MAP1S: variants seen among roughly 807,000 people sequenced by gnomAD.
MAP1S encodes the protein microtubule-associated protein 1S.
A neutral mutation model predicts 60.9 loss-of-function variants in MAP1S; 27 were observed. The observed-to-expected ratio is 0.44, with a 90% CI of 0.33 to 0.61. The LOEUF (loss-of-function observed/expected upper bound fraction) is 0.61, where lower values mean the gene tolerates loss of function less well. Ranked by LOEUF, MAP1S falls within the 20% of genes least tolerant of loss-of-function variation. The pLI is 0.03. For synonymous variants in MAP1S, 826 were observed against 694.2 expected, an observed-to-expected ratio of 1.19 and a Z score of -2.98; for missense variants, 1,608 against 1,486.6, an observed-to-expected ratio of 1.08 and a Z score of -1.34.
intron 1 of MAP1S, chr19:17,720,043 G>T: frequency 1.1e-6 from 1 of 896,670 alleles, no homozygotes; most frequent in Non-Finnish European, 1.4e-6. Context: ...AAGCAGATAT[G>T]GGGGAGGCTG....
chr19:17,725,913 C>G lies in MAP1S; in HGVS notation c.529C>G (p.Gln177Glu). Reference protein sequence around the residue: ...ITCPTFGDWAQLAPAVPGLQG... With the variant: ...ITCPTFGDWAELAPAVPGLQG... Reference sequence around the variant, plus strand: ...CTGCCCCACCTTCGGTGACTGGGCTCAGCTGGCACCCGCTGTGCCTGGCCT... The same window carrying G: ...CTGCCCCACCTTCGGTGACTGGGCTGAGCTGGCACCCGCTGTGCCTGGCCT... Residue 177 changes from glutamine to glutamate, a missense_variant, in exon 5 of 7, where the codon CAG becomes GAG. This residue lies in a region of MAP1S where 320 missense variants were observed against 393.1 expected (regional missense o/e 0.81). Transcript: ENST00000324096. The surrounding 1 kb of genome is among the most constrained non-coding windows in gnomAD (Gnocchi z 4.2). The G allele has an allele frequency of 1.2e-6, 2 of 1,613,854 alleles. No homozygotes were observed. Among genetic ancestry groups the G allele is most frequent in the Non-Finnish European group, 1.7e-6 (2 of 1,179,996 alleles).
chr19:17,726,046 CG>C lies in MAP1S; in HGVS notation c.663del (p.Ser222ProfsTer69). On this transcript the variant is annotated frameshift_variant, in exon 5 of 7. Coordinates refer to ENST00000324096, the MANE Select transcript of MAP1S (RefSeq NM_018174.6). LOFTEE classifies it high-confidence loss of function. ...TACGTGGCTGAGTCTCTGGAGCCAC[CG>C]TCCCCCTTCGAGCTGCTGGAGCCCC... is the stretch of plus-strand genomic sequence containing the variant. ...LEYVAESLEP[P>X]SPFELLEPPT... The C allele has an allele frequency of 6.2e-7, 1 of 1,613,270 alleles. No homozygotes were observed.
At chr19:17,731,161 C>T (rs576260252) in intron 5 of MAP1S, among the ~76,000 whole-genome samples, 3 of 152,248 alleles carry the variant, frequency 2.0e-5, no homozygotes, top group African/African-American at 7.2e-5. Context: ...TCCCAGAGTA[C>T]TAAGATTATA....
Position 17,726,377 on chromosome 19 carries a change from C to T in MAP1S, c.993C>T (p.Ser331=). ...SWDDRLRRLI[S]PNLGVVFFNA... ...ACGACAGGCTGCGCAGGCTCATCTCCCCCAACCTGGGGGTCGTGTTCTTCA... is the reference window on the plus strand; with the variant it reads ...ACGACAGGCTGCGCAGGCTCATCTCTCCCAACCTGGGGGTCGTGTTCTTCA... The change falls in exon 5 of 7, where the codon TCC becomes TCT. Residue 331 remains serine, a synonymous_variant. Transcript: ENST00000324096. 6.3e-7 allele frequency: 1 copy of T among 1,596,036 alleles called. No individual in the cohort carries two copies. The highest frequency in any genetic ancestry group is 8.5e-7 in the Non-Finnish European group (1 of 1,177,548).
chr19:17,727,762 C>A lies in MAP1S; in HGVS notation c.2378C>A (p.Thr793Asn). The change falls in exon 5 of 7, where the codon ACC (threonine) becomes AAC (asparagine). Residue 793 changes from threonine (T) to asparagine (N), a missense_variant. By Grantham distance (65) the Thr-to-Asn change is moderately conservative (BLOSUM62 0). This residue lies in a region of MAP1S where 1,167 missense variants were observed against 961.4 expected (regional missense o/e 1.21). Transcript: ENST00000324096. This position sits in a 1 kb window ranked among gnomAD's most constrained non-coding sequence, Gnocchi z 4.1. Reference sequence around the variant, plus strand: ...ACATCGGTCAGCGAGTCCCTGCCCACCCTGTCTGACTCGGATCCCGTGCCC... The same window carrying A: ...ACATCGGTCAGCGAGTCCCTGCCCAACCTGTCTGACTCGGATCCCGTGCCC... The part of the protein sequence containing the change: ...PPTSVSESLP[T>N]LSDSDPVPLA... 6.2e-7 allele frequency: 1 copy of A among 1,609,534 alleles called. No homozygotes were observed. Among genetic ancestry groups the A allele is most frequent in the Non-Finnish European group, 8.5e-7 (1 of 1,177,924 alleles).
Position 17,726,194 on chromosome 19 carries a change from C to A in MAP1S, c.810C>A (p.Asn270Lys). The A allele has an allele frequency of 1.2e-6, 2 of 1,612,262 alleles. No homozygotes were observed. Among genetic ancestry groups the A allele is most frequent in the Non-Finnish European group, 1.7e-6 (2 of 1,179,350 alleles). ...CTGTGCTGGTCAACGGTGGCTCAAACCCCAAGTCCAGTTTCTGGAAGCTGG... is the reference window on the plus strand; with the variant it reads ...CTGTGCTGGTCAACGGTGGCTCAAAACCCAAGTCCAGTTTCTGGAAGCTGG... The part of the protein sequence containing the change: ...GFTVLVNGGS[N>K]PKSSFWKLVR... The change falls in exon 5 of 7, where the codon AAC (asparagine) becomes AAA (lysine). Residue 270 changes from asparagine (N) to lysine (K), a missense_variant. By Grantham distance (94) the Asn-to-Lys change is moderately conservative. This residue lies in a region of MAP1S where 320 missense variants were observed against 393.1 expected (regional missense o/e 0.81). Transcript: ENST00000324096.
chr19:17,726,577 T>G lies in MAP1S; in HGVS notation c.1193T>G (p.Leu398Arg). The G allele has an allele frequency of 6.3e-7, 1 of 1,575,212 alleles. No individual in the cohort carries two copies. Among genetic ancestry groups the G allele is most frequent in the Non-Finnish European group, 8.6e-7 (1 of 1,165,926 alleles). ...MGVGRLDMYVLHPPSAGAERT... is the reference protein window; with the variant it reads ...MGVGRLDMYVRHPPSAGAERT... ...GTGGGCCGGCTGGACATGTATGTGC[T>G]GCACCCGCCCTCCGCCGGCGCCGAG... Residue 398 changes from leucine (L) to arginine (R), a missense_variant, in exon 5 of 7, where the codon CTG (leucine) becomes CGG (arginine). Physicochemically the swap from Leu to Arg is moderately radical, Grantham distance 102. Around this residue, in one of 4 missense-constraint regions of MAP1S, gnomAD observed 1,167 missense variants for 961.4 expected, o/e 1.21. Transcript: ENST00000324096.
At chr19:17,729,391 C>T (rs1174530225) in intron 5 of MAP1S, among the ~76,000 whole-genome samples, 1 of 152,214 alleles carries the variant, frequency 6.6e-6, no homozygotes, top group African/African-American at 2.4e-5. Flanking sequence ...GGGAGCCCCT[C>T]TCAGACAGGG....
chr19:17,734,409 C>T lies in MAP1S; in HGVS notation c.3161C>T (p.Ala1054Val). 1 of 1,612,600 alleles carries T rather than the reference C, an allele frequency of 6.2e-7. No homozygotes were observed. Among genetic ancestry groups the T allele is most frequent in the South Asian group, 1.1e-5 (1 of 91,050 alleles). ...TCCATGCAGGATGACGCCTTCCCGG[C>T]CTGCAAGGTGGAGTTCTAGCCCCAT... is the stretch of plus-strand genomic sequence containing the variant. ...MVSMQDDAFP[A>V]CKVEF The change falls in exon 7 of 7, where the codon GCC (alanine) becomes GTC (valine). Residue 1054 changes from alanine to valine, a missense_variant. Transcript: ENST00000324096.
chr19:17,728,251 C>T, intron 5 of MAP1S, 79 bp downstream of exon 5: 1 of 1,430,492 alleles, frequency 7.0e-7, no homozygotes. Context: ...CCTGTTTTTA[C>T]ATTTTCAGTT....
At chr19:17,722,190 G>A (rs949734954) in intron 2 of MAP1S, among the ~76,000 whole-genome samples, 1 of 152,304 alleles carries the variant, frequency 6.6e-6, no homozygotes, top group Non-Finnish European at 1.5e-5. Context: ...GGTGGCTCTC[G>A]CCTGTAATCC....
In MAP1S at chr19:17,725,503, A is replaced by T. The variant is rs62121727; in HGVS notation, c.444+314A>T. 8.5e-5 allele frequency among the ~76,000 whole-genome samples: 13 copies of T among 152,286 alleles called. No individual in the cohort carries two copies. Among genetic ancestry groups the T allele is most frequent in the African/African-American group, 2.4e-4 (10 of 41,568 alleles). On this transcript the variant is annotated intron_variant, in intron 4 of 6. Coordinates refer to ENST00000324096, the MANE Select transcript of MAP1S (RefSeq NM_018174.6). The surrounding 1 kb of genome is among the most constrained non-coding windows in gnomAD (Gnocchi z 4.2). ...GCAAAATGGCAAACCTCACTTTCAC[A>T]TTGTAGTGGGGCACTTAAAAATGGT...
In MAP1S at chr19:17,725,992, A is replaced by G; in HGVS notation, c.608A>G (p.Asn203Ser). The change falls in exon 5 of 7, where the codon AAC (asparagine) becomes AGC (serine). Residue 203 changes from asparagine to serine, a missense_variant. Coordinates refer to ENST00000324096, the MANE Select transcript of MAP1S (RefSeq NM_018174.6). The surrounding 1 kb of genome is among the most constrained non-coding windows in gnomAD (Gnocchi z 4.2). ...LRLNPPAQLP[N>S]SEGLCEFLEY... ...CTGAACCCCCCGGCGCAGCTGCCCA[A>G]CTCTGAGGGCCTGTGCGAATTCCTG... 7 of 1,612,118 alleles carry G rather than the reference A, an allele frequency of 4.3e-6. No individual in the cohort carries two copies. The highest frequency in any genetic ancestry group is 5.9e-6 in the Non-Finnish European group (7 of 1,179,280).
At chr19:17,728,836 A>T (rs937460643) in intron 5 of MAP1S, 1 of 152,144 alleles carries the variant, frequency 6.6e-6, no homozygotes, top group Admixed American at 6.6e-5. Flanking sequence ...GATTACAGGC[A>T]TGAGCCACTG....
intron 6 of MAP1S, 58 bp downstream of exon 6, chr19:17,733,486 C>G: frequency 7.3e-7 from 1 of 1,365,148 alleles, no homozygotes. Context: ...TGGGTAAAAC[C>G]ACCCTCGACC....
Position 17,727,272 on chromosome 19 carries a change from G to A in MAP1S, c.1888G>A (p.Ala630Thr), listed in dbSNP as rs746815969. Reference sequence around the variant, plus strand: ...GAAGGCACTGGAGCTGCCTTTGGCCGCCAGCTCAATCCCAAGGCCACGCAC... The same window carrying A: ...GAAGGCACTGGAGCTGCCTTTGGCCACCAGCTCAATCCCAAGGCCACGCAC... ...EEKALELPLA[A>T]SSIPRPRTPS... The change falls in exon 5 of 7, where the codon GCC becomes ACC. Residue 630 changes from alanine (A) to threonine (T), a missense_variant. Ala to Thr is a moderately conservative substitution (Grantham distance 58). Coordinates refer to ENST00000324096, the MANE Select transcript of MAP1S (RefSeq NM_018174.6). This position sits in a 1 kb window ranked among gnomAD's most constrained non-coding sequence, Gnocchi z 4.1. The A allele has an allele frequency of 1.9e-6, 3 of 1,581,074 alleles. No individual in the cohort carries two copies. The highest frequency in any genetic ancestry group is 1.1e-5 in the South Asian group (1 of 88,516).
At chr19:17,732,496 A>T (rs2080501421) in intron 5 of MAP1S, among the ~76,000 whole-genome samples, 1 of 152,140 alleles carries the variant, frequency 6.6e-6, no homozygotes, top group African/African-American at 2.4e-5. Context: ...GGGTTTGGAC[A>T]AGGCCCCCAG....
At chr19:17,732,076 T>C (rs1193879979) in intron 5 of MAP1S, among the ~76,000 whole-genome samples, 1 of 152,266 alleles carries the variant, frequency 6.6e-6, no homozygotes, top group Admixed American at 6.5e-5. Context: ...TCTTATAAAA[T>C]GAGTTAGGAA....
chr19:17,720,308 A>G, intron 1 of MAP1S: 4 of 1,458,808 alleles, frequency 2.7e-6, no homozygotes, highest in Non-Finnish European at 3.6e-6. Flanking sequence ...TGGGACAGGA[A>G]CACGCACCTC....
Sources: gnomAD v4.1 joint callset for allele counts (sites outside exome capture counted in the v4.1 genomes callset) on GRCh38, gnomAD v4.1.1 for gene constraint, gnomAD v4.1.1 regional missense constraint, Gnocchi (gnomAD v3.1) non-coding constraint, MANE v1.5 for transcripts, NCBI Gene and HGNC (gene_info 2026-07-23, HGNC 2026-07-21) for gene names.